The following CDKAL1 variants were observed in gnomAD, a reference collection of about 807,000 sequenced individuals.
CDKAL1 encodes CDKAL1 threonylcarbamoyladenosine tRNA methylthiotransferase.
In CDKAL1, 32 loss-of-function variants were observed where a neutral mutation model predicts 68.2. That is an observed-to-expected ratio of 0.47 (90% CI 0.35 to 0.63). The LOEUF (loss-of-function observed/expected upper bound fraction) is 0.63. Among genes scored for constraint, CDKAL1 ranks in the 30% least tolerant of loss-of-function variants. CDKAL1 has a pLI of 0.00. For missense variants in CDKAL1, 606 were observed against 696.7 expected (o/e 0.87, Z 1.47); for synonymous variants, 234 against 244.3 (o/e 0.96, Z 0.39).
intron 7 of CDKAL1, among the ~76,000 whole-genome samples, chr6:20,767,515 C>T (rs1324089826): frequency 6.6e-6 from 1 of 151,828 alleles, no homozygotes; most frequent in Non-Finnish European, 1.5e-5. Flanking sequence ...TATTATGTCA[C>T]AGTCAAGTGA....
chr6:20,562,655 T>C (rs1479104633), intron 4 of CDKAL1, among the ~76,000 whole-genome samples: 4 of 151,860 alleles, frequency 2.6e-5, no homozygotes, highest in Non-Finnish European at 4.4e-5. Flanking sequence ...GGCAGAAGAA[T>C]TGCTTTGACC....
At chr6:21,192,306 C>G (rs371502961) in intron 13 of CDKAL1, among the ~76,000 whole-genome samples, 1 of 151,792 alleles carries the variant, frequency 6.6e-6, no homozygotes, top group East Asian at 1.9e-4. Flanking sequence ...CAGGCGTGAG[C>G]CACCGCGCCC....
chr6:20,824,373 G>C (rs1777411785), intron 8 of CDKAL1, among the ~76,000 whole-genome samples: 1 of 152,044 alleles, frequency 6.6e-6, no homozygotes, highest in African/African-American at 2.4e-5. Flanking sequence ...CAATAGCTCG[G>C]GCATAATTTA....
chr6:20,924,009 C>T (rs958070328), intron 9 of CDKAL1, among the ~76,000 whole-genome samples: 8 of 151,180 alleles, frequency 5.3e-5, no homozygotes, highest in African/African-American at 1.9e-4. Flanking sequence ...AAGACCCTGT[C>T]TCTAGAAATG....
intron 8 of CDKAL1, among the ~76,000 whole-genome samples, chr6:20,785,782 T>C (rs1467367999): frequency 6.6e-6 from 1 of 152,252 alleles, no homozygotes; most frequent in Non-Finnish European, 1.5e-5. Flanking sequence ...TAGATTTCAC[T>C]TTCCATAAAT....
rs536395535 is a variant in CDKAL1, at chr6:20,888,753, C to T, written c.742+42575C>T. On this transcript the variant is annotated intron_variant, in intron 9 of 15. Coordinates refer to ENST00000274695, the MANE Select transcript of CDKAL1 (RefSeq NM_017774.3). ...CCATGGTGTATATGTGCCACCTTTT[C>T]TTAATCCAGTCTGTCGTTGTTGGAC... is the stretch of plus-strand genomic sequence containing the variant. 3.9e-5 allele frequency among the ~76,000 whole-genome samples: 6 copies of T among 152,192 alleles called. No individual in the cohort carries two copies. In the South Asian group the frequency reaches 1.2e-3, roughly 32 times the overall value.
chr6:20,555,999 A>G (rs1413898038), intron 4 of CDKAL1, among the ~76,000 whole-genome samples: 2 of 152,062 alleles, frequency 1.3e-5, no homozygotes, highest in Admixed American at 6.5e-5. Flanking sequence ...GGGGGTATAT[A>G]TCCCACTGCA....
chr6:20,988,570 T>G lies in CDKAL1; in HGVS notation c.910-11657T>G, dbSNP rs182083046. Among the ~76,000 whole-genome samples the G allele has an allele frequency of 3.9e-5, 6 of 152,272 alleles. No homozygotes were observed. The East Asian group carries it at 1.2e-3, about 29-fold the overall frequency. On this transcript the variant is annotated intron_variant, in intron 10 of 15. Transcript: ENST00000274695. ...GTACTGGCTGAAGTTCTGTTCTAGT[T>G]TTCTCCACTTCAGAACTTAGACCAT...
At chr6:20,930,612 C>T (rs1223302606) in intron 9 of CDKAL1, among the ~76,000 whole-genome samples, 1 of 152,120 alleles carries the variant, frequency 6.6e-6, no homozygotes, top group African/African-American at 2.4e-5. Flanking sequence ...CTCATTGTTA[C>T]TTTAGTATCT....
chr6:20,725,553 G>A (rs566567924), intron 5 of CDKAL1, among the ~76,000 whole-genome samples: 11 of 152,270 alleles, frequency 7.2e-5, no homozygotes, highest in Non-Finnish European at 8.8e-5. Flanking sequence ...GGGAGGCTGA[G>A]GCAGGCGGAT....
chr6:20,655,531 A>C (rs888464823), intron 5 of CDKAL1, among the ~76,000 whole-genome samples: 1 of 152,220 alleles, frequency 6.6e-6, no homozygotes, highest in Non-Finnish European at 1.5e-5. Context: ...TTACTGCCTG[A>C]GGTCTGCCTG....
intron 12 of CDKAL1, among the ~76,000 whole-genome samples, chr6:21,081,351 C>T (rs1772388703): frequency 6.6e-6 from 1 of 152,080 alleles, no homozygotes; most frequent in Admixed American, 6.5e-5. Context: ...ATATTTCAGT[C>T]TAACTTTTTC....
At chr6:20,741,709 C>T (rs1031936485) in intron 6 of CDKAL1, among the ~76,000 whole-genome samples, 12 of 151,916 alleles carry the variant, frequency 7.9e-5, no homozygotes, top group African/African-American at 1.2e-4. Flanking sequence ...TTTCTTTATC[C>T]GATATGTCAT....
At position 20,539,267 on chromosome 6, in the gene CDKAL1, G is replaced by T. The variant is rs968881177; in HGVS notation, c.-6+3873G>T. Among the ~76,000 whole-genome samples the T allele has an allele frequency of 6.6e-6, 1 of 152,326 alleles. No individual in the cohort carries two copies. ...ATCTATATCCATATATTGCCCGACTGTGTAGTCTGCAGTAAAAGTATTTAT... is the reference window on the plus strand; with the variant it reads ...ATCTATATCCATATATTGCCCGACTTTGTAGTCTGCAGTAAAAGTATTTAT... On this transcript the variant is annotated intron_variant, in intron 2 of 15. Coordinates refer to ENST00000274695, the MANE Select transcript of CDKAL1 (RefSeq NM_017774.3). The surrounding 1 kb of genome is among the most constrained non-coding windows in gnomAD (Gnocchi z 4.3).
At chr6:20,737,013 C>T (rs905587870) in intron 5 of CDKAL1, among the ~76,000 whole-genome samples, 3 of 152,168 alleles carry the variant, frequency 2.0e-5, no homozygotes, top group Non-Finnish European at 4.4e-5. Flanking sequence ...TAGAGACTCT[C>T]AACCCTCTTA....
chr6:21,200,999 G>A (rs991238258), intron 14 of CDKAL1, 111 bp from the exon 15 acceptor site: 2 of 908,568 alleles, frequency 2.2e-6, no homozygotes, highest in African/African-American at 1.7e-5. Context: ...TGGGAGTTAG[G>A]TATACAGGAG....
intron 10 of CDKAL1, among the ~76,000 whole-genome samples, chr6:20,977,647 G>A (rs1477051557): frequency 6.6e-6 from 1 of 152,202 alleles, no homozygotes; most frequent in Non-Finnish European, 1.5e-5. Context: ...GGAAGCCAAG[G>A]TGGGCGGATC....
intron 11 of CDKAL1, among the ~76,000 whole-genome samples, chr6:21,006,999 G>A (rs73379548): frequency 0.011 from 1,623 of 152,134 alleles, 28 homozygotes; most frequent in African/African-American, 0.036. Flanking sequence ...GAATAATAAC[G>A]TTTTTCTTTT....
At chr6:20,639,268 C>G (rs532603274) in intron 4 of CDKAL1, among the ~76,000 whole-genome samples, 2 of 152,168 alleles carry the variant, frequency 1.3e-5, no homozygotes, top group Non-Finnish European at 2.9e-5. Context: ...TTTAAGAGAA[C>G]AAACTCATTA....
Sources: allele counts gnomAD v4.1 joint callset (sites outside exome capture counted in the v4.1 genomes callset), GRCh38; gene constraint gnomAD v4.1.1; non-coding constraint Gnocchi (gnomAD v3.1); transcripts MANE v1.5; gene names NCBI Gene and HGNC (gene_info 2026-07-23, HGNC 2026-07-21).